VEPH1: variants seen among roughly 807,000 people sequenced by gnomAD.
VEPH1 encodes the protein ventricular zone expressed PH domain containing 1, also known as ventricular zone-expressed PH domain-containing protein homolog 1.
In VEPH1, 80 loss-of-function variants were observed where a neutral mutation model predicts 85.2. The ratio of observed to expected loss-of-function variants is 0.94; its 90% CI spans 0.78 to 1.13. VEPH1 has a LOEUF of 1.13. Among genes scored for constraint, VEPH1 ranks in the 50% most tolerant of loss-of-function variants. VEPH1 has a pLI of 0.00. For missense variants in VEPH1, 955 were observed against 980.5 expected (o/e 0.97, Z 0.35); for synonymous variants, 297 against 348.0 (o/e 0.85, Z 1.63).
rs1272962517 is a variant in VEPH1 at position 157,301,440 on chromosome 3, ACAGG to A, written c.2010+12177_2010+12180del. ...ATTGCATCATCCCGGCAATTTACAA[ACAGG>A]CTCTGAAGGCTTCCATTTTCACTCA... On this transcript the variant is annotated intron_variant, in intron 11 of 13. Transcript: ENST00000362010. 2.6e-5 allele frequency among the ~76,000 whole-genome samples: 4 copies of A among 152,262 alleles called. No homozygotes were observed. The East Asian group carries it at 7.7e-4, about 29-fold the overall frequency.
chr3:157,435,956 A>G (rs1415712007), intron 4 of VEPH1, among the ~76,000 whole-genome samples: 1 of 151,982 alleles, frequency 6.6e-6, no homozygotes, highest in Non-Finnish European at 1.5e-5. Flanking sequence ...TTTTTTCCCC[A>G]TTCTAGGTTT....
At chr3:157,477,792 C>A (rs563921938) in intron 2 of VEPH1, among the ~76,000 whole-genome samples, 1 of 152,212 alleles carries the variant, frequency 6.6e-6, no homozygotes, top group South Asian at 2.1e-4. Context: ...TGATGTGAAA[C>A]CTGACAGCAA....
rs140393934 is a variant in VEPH1, at chr3:157,339,616, C to T, written c.1736-22415G>A. Among the ~76,000 whole-genome samples, 531 of 152,314 alleles carry T rather than the reference C, an allele frequency of 3.5e-3. 4 individuals carry two copies. The highest frequency in any genetic ancestry group is 0.012 in the African/African-American group (491 of 41,570). ...GTACTCTCCCGTGTCTCTAAATCCT[C>T]ATCTGTCTGGAGAACATCAGACCCT... On this transcript the variant is annotated intron_variant, in intron 9 of 13. Transcript: ENST00000362010.
chr3:157,444,112 C>T (rs1734357059), intron 4 of VEPH1, among the ~76,000 whole-genome samples: 1 of 152,100 alleles, frequency 6.6e-6, no homozygotes, highest in South Asian at 2.1e-4. Flanking sequence ...GGTAACTTTT[C>T]CCCACCACAC....
intron 4 of VEPH1, chr3:157,442,701 G>A: frequency 1.9e-6 from 3 of 1,614,220 alleles, no homozygotes; most frequent in Non-Finnish European, 2.5e-6. Flanking sequence ...TGGTGAACTG[G>A]CGGCTACCAC....
chr3:157,462,136 GCAAT>G (rs774372862), intron 3 of VEPH1, among the ~76,000 whole-genome samples: 9 of 149,626 alleles, frequency 6.0e-5, no homozygotes, highest in Admixed American at 6.0e-4. Context: ...AAAAGAAGAT[GCAAT>G]CAAACAGAAA....
chr3:157,460,148 A>G (rs760063434), intron 4 of VEPH1, 33 bp downstream of exon 4: 1 of 1,614,168 alleles, frequency 6.2e-7, no homozygotes, highest in Non-Finnish European at 8.5e-7. Flanking sequence ...TATCTCCCAA[A>G]ACATGTCCCC....
At chr3:157,351,913 C>T (rs771735648) in intron 9 of VEPH1, among the ~76,000 whole-genome samples, 2 of 152,240 alleles carry the variant, frequency 1.3e-5, no homozygotes, top group Non-Finnish European at 2.9e-5. Context: ...GTAGCACCCA[C>T]TCCCAAGCTG....
At chr3:157,319,088 A>G (rs754803474) in intron 9 of VEPH1, among the ~76,000 whole-genome samples, 3 of 152,182 alleles carry the variant, frequency 2.0e-5, no homozygotes, top group Non-Finnish European at 4.4e-5. Context: ...GAGAGATTAG[A>G]GGAGAAGGTC....
At chr3:157,423,362 T>C (rs1423004489) in intron 5 of VEPH1, among the ~76,000 whole-genome samples, 1 of 152,218 alleles carries the variant, frequency 6.6e-6, no homozygotes, top group Non-Finnish European at 1.5e-5. Flanking sequence ...CTTGAAGCAA[T>C]AGCAGCAGCA....
In VEPH1 at chr3:157,381,286, T is replaced by C. The variant is rs764707629; in HGVS notation, c.997A>G (p.Ser333Gly). The C allele has an allele frequency of 1.2e-6, 2 of 1,614,212 alleles. No homozygotes were observed. Among genetic ancestry groups the C allele is most frequent in the South Asian group, 2.2e-5 (2 of 91,086 alleles). Residue 333 changes from serine (S) to glycine (G), a missense_variant, in exon 7 of 14, where the codon AGC becomes GGC. Transcript: ENST00000362010. Reference sequence around the variant, plus strand: ...ATTGAGGAGAAGGTGTCGGTGATGCTTTTAATCTCCAGCAGGAGAATATGG... The same window carrying C: ...ATTGAGGAGAAGGTGTCGGTGATGCCTTTAATCTCCAGCAGGAGAATATGG... The part of the protein sequence containing the change: ...FHHILLLEIK[S>G]ITDTFSSILG...
Position 157,319,070 on chromosome 3 carries a change from C to T in VEPH1, c.1736-1869G>A, listed in dbSNP as rs543493426. ...AGGAAAAGTTTGAAAAATCTTAGAG[C>T]GGCCAATGAGAGATTAGAGGAGAAG... On this transcript the variant is annotated intron_variant, in intron 9 of 13. Transcript: ENST00000362010. Among the ~76,000 whole-genome samples, 42 of 151,872 alleles carry T rather than the reference C, an allele frequency of 2.8e-4. 1 individual carries two copies. In the South Asian group the frequency reaches 3.8e-3, roughly 14 times the overall value.
chr3:157,393,089 T>G (rs1291053620), intron 6 of VEPH1, among the ~76,000 whole-genome samples: 1 of 152,192 alleles, frequency 6.6e-6, no homozygotes, highest in Non-Finnish European at 1.5e-5. Flanking sequence ...TAACCAGACA[T>G]TGTTGTACCT....
intron 6 of VEPH1, among the ~76,000 whole-genome samples, chr3:157,383,700 G>A (rs1729006913): frequency 6.6e-6 from 1 of 152,140 alleles, no homozygotes; most frequent in African/African-American, 2.4e-5. Context: ...ATGTGAGACA[G>A]AGGCTTGTGC....
chr3:157,367,524 A>G (rs1726845373), intron 7 of VEPH1, among the ~76,000 whole-genome samples: 1 of 152,256 alleles, frequency 6.6e-6, no homozygotes, highest in Non-Finnish European at 1.5e-5. Context: ...CTCTGGTTCC[A>G]TGGAACCTAA....
At chr3:157,426,039 T>C (rs1446395165) in intron 5 of VEPH1, among the ~76,000 whole-genome samples, 1 of 152,190 alleles carries the variant, frequency 6.6e-6, no homozygotes, top group Non-Finnish European at 1.5e-5. Context: ...TTTCTCTTCC[T>C]GCCACCATGT....
chr3:157,410,030 T>A (rs1295669633), intron 6 of VEPH1: 1 of 775,730 alleles, frequency 1.3e-6, no homozygotes, highest in Non-Finnish European at 1.6e-6. Flanking sequence ...TGGAGCAGGA[T>A]CTCAAAGTTG....
chr3:157,495,200 C>G lies in VEPH1; in HGVS notation c.138+12G>C, dbSNP rs751776992. Reference sequence around the variant, plus strand: ...CATTTCAGAGATGTAGTCTATAAACCAGTTTACTTACTGAAGATGAGCTAA... The same window carrying G: ...CATTTCAGAGATGTAGTCTATAAACGAGTTTACTTACTGAAGATGAGCTAA... On this transcript the variant is annotated intron_variant, in intron 2 of 13. Transcript: ENST00000362010. 1 of 1,613,054 alleles carries G rather than the reference C, an allele frequency of 6.2e-7. No homozygotes were observed. The highest frequency in any genetic ancestry group is 8.5e-7 in the Non-Finnish European group (1 of 1,179,474).
intron 2 of VEPH1, among the ~76,000 whole-genome samples, chr3:157,492,579 A>G (rs1739315300): frequency 6.6e-6 from 1 of 152,126 alleles, no homozygotes. Flanking sequence ...TTATCTTCAA[A>G]AGGTTTAAAG....
Sources: gnomAD v4.1 joint callset for allele counts (sites outside exome capture counted in the v4.1 genomes callset) on GRCh38, gnomAD v4.1.1 for gene constraint, MANE v1.5 for transcripts, NCBI Gene and HGNC (gene_info 2026-07-23, HGNC 2026-07-21) for gene names.